PNPLA8: variants seen among roughly 807,000 people sequenced by gnomAD.
PNPLA8 encodes calcium-independent phospholipase A2-gamma.
Under a neutral mutation model 76.9 loss-of-function variants are expected in PNPLA8, and 39 were observed. The observed-to-expected ratio is 0.51, with a 90% CI of 0.39 to 0.66. The LOEUF (loss-of-function observed/expected upper bound fraction) is 0.66, where lower values mean the gene tolerates loss of function less well. Ranked by LOEUF, PNPLA8 falls within the 30% of genes least tolerant of loss-of-function variation. The probability of loss-of-function intolerance (pLI) is 0.00; values close to 1 mark genes in which losing one functional copy is unlikely to be tolerated. For synonymous variants in PNPLA8, 301 were observed against 307.9 expected, an observed-to-expected ratio of 0.98 and a Z score of 0.24; for missense variants, 887 against 918.0, an observed-to-expected ratio of 0.97 and a Z score of 0.44.
At position 108,470,989 on chromosome 7, in the gene PNPLA8, A is replaced by T. The variant is rs937024475; in HGVS notation, c.*1412T>A. On this transcript the variant is annotated 3_prime_UTR_variant, in exon 11 of 11. Transcript: ENST00000257694. ...GAAGCAATATGACTATCTGGGCAACAGGGTCTAGCTTTAGTTTGTATGTCT... is the reference window on the plus strand; with the variant it reads ...GAAGCAATATGACTATCTGGGCAACTGGGTCTAGCTTTAGTTTGTATGTCT... 5.9e-5 allele frequency: 9 copies of T among 152,224 alleles called. No individual in the cohort carries two copies. The South Asian group carries it at 8.3e-4, about 14-fold the overall frequency. 9.4% of individuals were successfully genotyped at this position (152,224 alleles called of 1,614,324 possible). A position where few individuals can be genotyped will look rare whatever the true frequency, so the allele number is the denominator to read the frequency against.
rs141650828 is a variant in PNPLA8 at position 108,495,129 on chromosome 7, G to A, written c.1625+1455C>T. On this transcript the variant is annotated intron_variant, in intron 7 of 10. Transcript: ENST00000257694. The stretch of plus-strand genomic sequence containing the variant: ...GGCAGATGAATAAGCTAAAACCACT[G>A]TATTGAAGAACAAATTCAGCCATGT... 2.3e-3 allele frequency among the ~76,000 whole-genome samples: 343 copies of A among 152,208 alleles called. 1 individual carries two copies. Among genetic ancestry groups the A allele is most frequent in the African/African-American group, 8.1e-3 (335 of 41,546 alleles).
At position 108,515,123 on chromosome 7, in the gene PNPLA8, A is replaced by C; in HGVS notation, c.369T>G (p.Ile123Met). 1 of 1,606,838 alleles carries C rather than the reference A, an allele frequency of 6.2e-7. No homozygotes were observed. The highest frequency in any genetic ancestry group is 8.5e-7 in the Non-Finnish European group (1 of 1,176,490). Residue 123 changes from isoleucine to methionine, a missense_variant, in exon 3 of 11, where the codon ATT becomes ATG. Physicochemically the swap from Ile to Met is conservative, Grantham distance 10 (BLOSUM62 1). Transcript: ENST00000257694. ...TTGGCTTAAATTGAGCTAAACGTGA[A>C]ATCATTTCATTTTGATTGCCAAAAA... is the stretch of plus-strand genomic sequence containing the variant. Reference protein sequence around the residue: ...KAVFGNQNEMISRLAQFKPSS... With the variant: ...KAVFGNQNEMMSRLAQFKPSS...
At chr7:108,505,344 A>T (rs1563968165) in intron 4 of PNPLA8, among the ~76,000 whole-genome samples, 9 of 5,674 alleles carry the variant, frequency 1.6e-3, no homozygotes, top group African/African-American at 8.4e-3. Context: ...ATATATATAT[A>T]TATATATATT....
At chr7:108,517,192 TA>T (rs1391554081) in intron 2 of PNPLA8, among the ~76,000 whole-genome samples, 1 of 152,000 alleles carries the variant, frequency 6.6e-6, no homozygotes, top group Non-Finnish European at 1.5e-5. Context: ...AAATGCAAAC[TA>T]AAATAACCAT....
In PNPLA8 at chr7:108,514,719, G is replaced by A. The variant is rs747399132; in HGVS notation, c.773C>T (p.Pro258Leu). 24 of 1,613,814 alleles carry A rather than the reference G, an allele frequency of 1.5e-5. No individual in the cohort carries two copies. The highest frequency in any genetic ancestry group is 2.0e-5 in the Non-Finnish European group (24 of 1,179,894). ...SPDPGILAYK[P>L]GSESVHTVDK... ...CACCGTATGTACAGATTCTGAGCCTGGCTTATAAGCCAGGATGCCAGGATC... is the reference window on the plus strand; with the variant it reads ...CACCGTATGTACAGATTCTGAGCCTAGCTTATAAGCCAGGATGCCAGGATC... Residue 258 changes from proline (P) to leucine (L), a missense_variant, in exon 3 of 11, where the codon CCA (proline) becomes CTA (leucine). By Grantham distance (98) the Pro-to-Leu change is moderately conservative. Coordinates refer to ENST00000257694, the MANE Select transcript of PNPLA8 (RefSeq NM_001256007.3).
At chr7:108,519,408 A>C (rs555149883) in intron 2 of PNPLA8, among the ~76,000 whole-genome samples, 22 of 152,176 alleles carry the variant, frequency 1.4e-4, no homozygotes, top group Non-Finnish European at 4.4e-5. Context: ...AAACAGAAGA[A>C]AGCATGTAAG....
intron 4 of PNPLA8, among the ~76,000 whole-genome samples, chr7:108,505,800 C>A (rs1291634637): frequency 6.6e-6 from 1 of 152,048 alleles, no homozygotes; most frequent in Non-Finnish European, 1.5e-5. Context: ...AGAAGGTCAG[C>A]CACGGAATAG....
intron 3 of PNPLA8, 26 bp from the exon 4 acceptor site, chr7:108,514,319 G>T: frequency 6.3e-7 from 1 of 1,583,604 alleles, no homozygotes; most frequent in Non-Finnish European, 8.6e-7. Flanking sequence ...AAATAGATAT[G>T]ATTAGAATAC....
chr7:108,483,430 C>A (rs1860536632), intron 9 of PNPLA8, among the ~76,000 whole-genome samples: 1 of 152,140 alleles, frequency 6.6e-6, no homozygotes, highest in South Asian at 2.1e-4. Flanking sequence ...ACATTTACTT[C>A]AAAAACCTAT....
intron 10 of PNPLA8, among the ~76,000 whole-genome samples, chr7:108,477,799 G>A (rs1563930703): frequency 6.6e-6 from 1 of 152,072 alleles, no homozygotes; most frequent in African/African-American, 2.4e-5. Flanking sequence ...AGGAGTTTGA[G>A]GCTGCAGTGA....
rs1316898814 is a variant in PNPLA8 at position 108,510,592 on chromosome 7, C to G, written c.1206+3552G>C. The G allele has an allele frequency of 5.2e-6, 8 of 1,534,866 alleles. No homozygotes were observed. The African/African-American group carries it at 6.8e-5, about 13-fold the overall frequency. ...GCCTTCGTCAAATCTACAATGGAAC[C>G]TTTGTGAAGCTCAACAAGGCTTCGA... On this transcript the variant is annotated intron_variant, in intron 4 of 10. Transcript: ENST00000257694.
intron 2 of PNPLA8, among the ~76,000 whole-genome samples, chr7:108,518,720 AATATAT>A (rs148834592): frequency 0.2 from 24,659 of 123,734 alleles, 2,945 homozygotes; most frequent in African/African-American, 0.33. Context: ...TATGCACATG[AATATAT>A]ATATATATAT....
chr7:108,506,671 CCAA>C (rs1426189682), intron 4 of PNPLA8, among the ~76,000 whole-genome samples: 1 of 151,504 alleles, frequency 6.6e-6, no homozygotes, highest in East Asian at 1.9e-4. Flanking sequence ...AAAAGTATAC[CCAA>C]CAATATAGAA....
rs757146153 is a variant in PNPLA8, at chr7:108,514,915, T to G, written c.577A>C (p.Thr193Pro). 4 of 1,608,982 alleles carry G rather than the reference T, an allele frequency of 2.5e-6. No homozygotes were observed. The African/African-American group carries it at 5.4e-5, about 22-fold the overall frequency. ...DIGKRSLFHY[T>P]SSITTKFGDS... ...CCAAATTTTGTGGTTATAGAACTTG[T>G]GTAATGAAAAAGACTGCGTTTACCT... is the stretch of plus-strand genomic sequence containing the variant. Residue 193 changes from threonine (T) to proline (P), a missense_variant, in exon 3 of 11, where the codon ACA becomes CCA. Thr to Pro is a conservative substitution (Grantham distance 38, BLOSUM62 -1). Coordinates refer to ENST00000257694, the MANE Select transcript of PNPLA8 (RefSeq NM_001256007.3).
chr7:108,500,496 G>A (rs1861856046), intron 5 of PNPLA8, among the ~76,000 whole-genome samples: 2 of 152,182 alleles, frequency 1.3e-5, no homozygotes, highest in Admixed American at 1.3e-4. Flanking sequence ...GTTCAAGAAA[G>A]AACTGTCTTT....
rs1022022756 is a variant in PNPLA8, at chr7:108,526,052, G to C, written c.-153C>G. Reference sequence around the variant, plus strand: ...ACCGGGATGCAGGCCGCAGTCACTAGGGCTGCAGCGGCGACTCGCTCGTTC... The same window carrying C: ...ACCGGGATGCAGGCCGCAGTCACTACGGCTGCAGCGGCGACTCGCTCGTTC... On this transcript the variant is annotated 5_prime_UTR_variant, in exon 1 of 11. Coordinates refer to ENST00000257694, the MANE Select transcript of PNPLA8 (RefSeq NM_001256007.3). The C allele has an allele frequency of 1.8e-5, 18 of 985,584 alleles. No individual in the cohort carries two copies. Among genetic ancestry groups the C allele is most frequent in the Non-Finnish European group, 1.9e-5 (16 of 830,058 alleles). The allele number at this position is 985,584 out of a possible 1,614,324, so 61.1% of individuals were successfully genotyped here.
At chr7:108,492,899 A>G (rs1195962722) in intron 7 of PNPLA8, among the ~76,000 whole-genome samples, 1 of 152,146 alleles carries the variant, frequency 6.6e-6, no homozygotes, top group African/African-American at 2.4e-5. Context: ...CTCAACAAAC[A>G]TGCCATTAAA....
intron 7 of PNPLA8, among the ~76,000 whole-genome samples, chr7:108,494,248 G>T (rs1861403317): frequency 6.6e-6 from 1 of 152,044 alleles, no homozygotes; most frequent in Admixed American, 6.6e-5. Flanking sequence ...GAGTATGCAT[G>T]CAGGTTTTGT....
intron 1 of PNPLA8, among the ~76,000 whole-genome samples, chr7:108,522,864 T>G (rs1863841603): frequency 6.6e-6 from 1 of 152,182 alleles, no homozygotes; most frequent in African/African-American, 2.4e-5. Context: ...TTCATAATCA[T>G]GAGAGATTTA....
Sources: gnomAD v4.1 joint callset for allele counts (sites outside exome capture counted in the v4.1 genomes callset) on GRCh38, gnomAD v4.1.1 for gene constraint, MANE v1.5 for transcripts, NCBI Gene and HGNC (gene_info 2026-07-23, HGNC 2026-07-21) for gene names.